The following ABCC4 variants were observed in gnomAD, a reference collection of about 807,000 sequenced individuals.
ABCC4 encodes ATP-binding cassette sub-family C member 4.
A neutral mutation model predicts 168.5 loss-of-function variants in ABCC4; 102 were observed. That is an observed-to-expected ratio of 0.61 (90% CI 0.52 to 0.71). The LOEUF is 0.71. Ranked by LOEUF, ABCC4 falls within the 30% of genes least tolerant of loss-of-function variation. ABCC4 has a pLI of 0.00. For missense variants in ABCC4, 1,402 were observed against 1,605.8 expected, an observed-to-expected ratio of 0.87 and a Z score of 2.17; for synonymous variants, 617 against 590.7, an observed-to-expected ratio of 1.04 and a Z score of -0.65.
chr13:95,226,971 T>C (rs570652107), intron 4 of ABCC4, among the ~76,000 whole-genome samples: 1 of 152,218 alleles, frequency 6.6e-6, no homozygotes, highest in Non-Finnish European at 1.5e-5. Context: ...TAGGAGCTTT[T>C]AAAATTTCCC....
chr13:95,082,346 C>T (rs1181551416), intron 21 of ABCC4, among the ~76,000 whole-genome samples: 5 of 152,100 alleles, frequency 3.3e-5, no homozygotes, highest in Non-Finnish European at 4.4e-5. Flanking sequence ...TTCATCTCTG[C>T]GATTACATGT....
intron 19 of ABCC4, among the ~76,000 whole-genome samples, chr13:95,120,709 G>A (rs1316829846): frequency 1.3e-5 from 2 of 152,124 alleles, no homozygotes; most frequent in Non-Finnish European, 2.9e-5. Flanking sequence ...TAGGATGGGG[G>A]AACCACTATC....
chr13:95,149,946 C>T (rs2036618908), intron 19 of ABCC4, among the ~76,000 whole-genome samples: 2 of 152,140 alleles, frequency 1.3e-5, no homozygotes, highest in African/African-American at 4.8e-5. Context: ...GAAGATCAAC[C>T]AGGGGAGATA....
chr13:95,097,001 T>C (rs1174270529), intron 20 of ABCC4, among the ~76,000 whole-genome samples: 4 of 152,202 alleles, frequency 2.6e-5, no homozygotes, highest in Non-Finnish European at 5.9e-5. Flanking sequence ...CAATATATCA[T>C]GAAGTTTATA....
intron 1 of ABCC4, among the ~76,000 whole-genome samples, chr13:95,296,329 T>C (rs1410082394): frequency 8.4e-6 from 1 of 118,404 alleles, no homozygotes; most frequent in Non-Finnish European, 2.2e-5. Context: ...ACAAGAAAAA[T>C]ATTTTTTTTA....
chr13:95,097,452 C>G (rs902135681), intron 20 of ABCC4, among the ~76,000 whole-genome samples: 1 of 151,834 alleles, frequency 6.6e-6, no homozygotes, highest in Non-Finnish European at 1.5e-5. Context: ...AGAGAGATAC[C>G]AAGCAAAAAC....
At chr13:95,271,287 A>G (rs2040840913) in intron 1 of ABCC4, among the ~76,000 whole-genome samples, 1 of 152,176 alleles carries the variant, frequency 6.6e-6, no homozygotes, top group East Asian at 1.9e-4. Flanking sequence ...GCAATGTGAT[A>G]GGGGCTGGCT....
At chr13:95,189,124 CTTTTTTTTTTTT>C (rs61449462) in intron 9 of ABCC4, among the ~76,000 whole-genome samples, 12 of 67,298 alleles carry the variant, frequency 1.8e-4, no homozygotes, top group South Asian at 5.8e-4. Context: ...AAACAATATT[CTTTTTTTTTTTT>C]TTTTTTTTTT....
At chr13:95,043,149 C>A (rs912157655) in intron 29 of ABCC4, among the ~76,000 whole-genome samples, 2 of 152,154 alleles carry the variant, frequency 1.3e-5, no homozygotes, top group African/African-American at 4.8e-5. Flanking sequence ...TATGTTAAAT[C>A]CTTTCTGTTG....
intron 8 of ABCC4, among the ~76,000 whole-genome samples, chr13:95,198,770 A>G (rs186540855): frequency 6.6e-6 from 1 of 152,356 alleles, no homozygotes; most frequent in Non-Finnish European, 1.5e-5. Flanking sequence ...GTGGAATACT[A>G]TGCAGCCATA....
rs535821029 is a variant in ABCC4, at chr13:95,040,636, A to C, written c.3735+3046T>G. Among the ~76,000 whole-genome samples the C allele has an allele frequency of 3.9e-5, 6 of 152,320 alleles. No homozygotes were observed. The South Asian group carries it at 1.2e-3, about 32-fold the overall frequency. Reference sequence around the variant, plus strand: ...TCAAGAAGTAATTTTTCCTCTTCTGAAATGTTCTAATTGTGGCCGTTGTCG... The same window carrying C: ...TCAAGAAGTAATTTTTCCTCTTCTGCAATGTTCTAATTGTGGCCGTTGTCG... On this transcript the variant is annotated intron_variant, in intron 29 of 30. Coordinates refer to ENST00000645237, the MANE Select transcript of ABCC4 (RefSeq NM_005845.5).
intron 1 of ABCC4, among the ~76,000 whole-genome samples, chr13:95,284,348 T>A (rs1363475671): frequency 1.3e-5 from 2 of 152,058 alleles, no homozygotes; most frequent in African/African-American, 4.8e-5. Flanking sequence ...CCACCATGAC[T>A]GGCTAATTTT....
chr13:95,250,171 C>T (rs2040217429), intron 1 of ABCC4, among the ~76,000 whole-genome samples: 1 of 152,182 alleles, frequency 6.6e-6, no homozygotes, highest in South Asian at 2.1e-4. Flanking sequence ...AGTCAGTTGG[C>T]TCCTTAATAC....
At chr13:95,066,917 A>C (rs1334483357) in intron 25 of ABCC4, among the ~76,000 whole-genome samples, 1 of 152,194 alleles carries the variant, frequency 6.6e-6, no homozygotes, top group African/African-American at 2.4e-5. Context: ...GACATGCGTG[A>C]GTATAAGAAG....
intron 19 of ABCC4, among the ~76,000 whole-genome samples, chr13:95,142,041 A>G (rs1161518694): frequency 6.6e-6 from 1 of 152,238 alleles, no homozygotes; most frequent in Non-Finnish European, 1.5e-5. Context: ...GATTCCTTAC[A>G]TAACTAAAAG....
chr13:95,169,943 G>A (rs1022434358), intron 14 of ABCC4, among the ~76,000 whole-genome samples: 3 of 152,040 alleles, frequency 2.0e-5, no homozygotes, highest in Non-Finnish European at 2.9e-5. Flanking sequence ...TACAACCTCC[G>A]CCTCCCGGGT....
At chr13:95,267,554 A>G (rs1319589836) in intron 1 of ABCC4, among the ~76,000 whole-genome samples, 1 of 152,166 alleles carries the variant, frequency 6.6e-6, no homozygotes, top group East Asian at 1.9e-4. Flanking sequence ...GCATGGTGAC[A>G]AGGGGCTGGG....
chr13:95,108,096 A>G (rs558772547), intron 20 of ABCC4, among the ~76,000 whole-genome samples: 49 of 152,308 alleles, frequency 3.2e-4, no homozygotes, highest in African/African-American at 1.1e-3. Context: ...AGTAGTCTCC[A>G]CAGCTGGGAA....
At chr13:95,025,071 T>C (rs1489705349) in intron 30 of ABCC4, among the ~76,000 whole-genome samples, 3 of 151,866 alleles carry the variant, frequency 2.0e-5, no homozygotes, top group Non-Finnish European at 4.4e-5. Flanking sequence ...CTGACCTATG[T>C]ACATTGGTGA....
Sources: gnomAD v4.1 joint callset for allele counts (sites outside exome capture counted in the v4.1 genomes callset) on GRCh38, gnomAD v4.1.1 for gene constraint, MANE v1.5 for transcripts, NCBI Gene and HGNC (gene_info 2026-07-23, HGNC 2026-07-21) for gene names.